Variants in PSG2 observed in about 807,000 individuals in gnomAD.
The protein encoded by PSG2 is pregnancy-specific beta-1-glycoprotein 2.
PSG2 carries 49 observed loss-of-function variants against 36.2 expected under a neutral mutation model. The observed-to-expected ratio is 1.35, with a 90% CI of 1.08 to 1.72. The LOEUF is 1.72. Ranked by LOEUF, PSG2 falls within the 40% of genes most tolerant of loss-of-function variation. The probability of loss-of-function intolerance (pLI) is 0.00; values close to 1 mark genes in which losing one functional copy is unlikely to be tolerated. For synonymous variants in PSG2, 261 were observed against 155.6 expected (o/e 1.68, Z -5.04); for missense variants, 605 against 407.2 (o/e 1.49, Z -4.18).
intron 5 of PSG2, among the ~76,000 whole-genome samples, chr19:43,064,990 C>T (rs755350257): frequency 2.7e-4 from 41 of 151,650 alleles, no homozygotes; most frequent in Non-Finnish European, 3.1e-4. Flanking sequence ...TGCCACCACA[C>T]CCGGCTAATT....
chr19:43,064,552 T>C lies in PSG2; in HGVS notation c.*90A>G, dbSNP rs1274199525. On this transcript the variant is annotated 3_prime_UTR_variant, in exon 6 of 6. Transcript: ENST00000406487. ...GTCCAGTGGTATGATCTTGAAGTTA[T>C]CAGGAGCTTGTATTCAAGAGTCCTT... The C allele has an allele frequency of 2.9e-6, 2 of 678,830 alleles. No homozygotes were observed. The highest frequency in any genetic ancestry group is 1.6e-5 in the South Asian group (1 of 64,188). 42.1% of individuals were successfully genotyped at this position (678,830 alleles called of 1,614,324 possible).
chr19:43,071,772 G>A lies in PSG2; in HGVS notation c.892C>T (p.Leu298Phe). 6 of 1,612,724 alleles carry A rather than the reference G, an allele frequency of 3.7e-6. No homozygotes were observed. The highest frequency in any genetic ancestry group is 1.1e-5 in the South Asian group (1 of 91,036). Residue 298 changes from leucine to phenylalanine, a missense_variant, in exon 4 of 6, where the codon CTC (leucine) becomes TTC (phenylalanine). Leu to Phe is a conservative substitution (Grantham distance 22). Coordinates refer to ENST00000406487, the MANE Select transcript of PSG2 (RefSeq NM_031246.4). ...IPQITTKHSGLYVCSVRNSAT... is the reference protein window; with the variant it reads ...IPQITTKHSGFYVCSVRNSAT... ...GAGTTACGAACAGAGCAAACATAGA[G>A]CCCGCTATGCTTTGTAGTAATTTGG...
chr19:43,072,277 A>G, intron 3 of PSG2: 1 of 1,586,142 alleles, frequency 6.3e-7, no homozygotes, highest in Non-Finnish European at 8.6e-7. Context: ...TGGACCGGAG[A>G]GAGACTGAGA....
At chr19:43,077,092 T>C (rs1307541120) in intron 2 of PSG2, among the ~76,000 whole-genome samples, 4 of 151,724 alleles carry the variant, frequency 2.6e-5, no homozygotes, top group Admixed American at 6.6e-5. Flanking sequence ...TTGGAGGAAA[T>C]ATTAAAATGT....
At chr19:43,072,400 C>G in intron 3 of PSG2, 1 of 1,612,516 alleles carries the variant, frequency 6.2e-7, no homozygotes, top group Non-Finnish European at 8.5e-7. Context: ...CATATCGGTC[C>G]CGTATTTCAC....
intron 3 of PSG2, among the ~76,000 whole-genome samples, chr19:43,074,584 C>T (rs2122906741): frequency 6.6e-6 from 1 of 151,702 alleles, no homozygotes; most frequent in South Asian, 2.1e-4. Context: ...GAAACATATT[C>T]CCTGTCCTGG....
In PSG2 at chr19:43,080,728, C is replaced by G. The variant is rs1025769221; in HGVS notation, c.430+153G>C. 3.3e-5 allele frequency among the ~76,000 whole-genome samples: 5 copies of G among 151,628 alleles called. 1 individual carries two copies. Among genetic ancestry groups the G allele is most frequent in the African/African-American group, 1.2e-4 (5 of 41,030 alleles). Reference sequence around the variant, plus strand: ...ATTCTGATCTGTTGAAATGTGTCTCCTCTGTGTGTGTCCTGCACTAAATGC... The same window carrying G: ...ATTCTGATCTGTTGAAATGTGTCTCGTCTGTGTGTGTCCTGCACTAAATGC... On this transcript the variant is annotated intron_variant, in intron 2 of 5. Coordinates refer to ENST00000406487, the MANE Select transcript of PSG2 (RefSeq NM_031246.4).
chr19:43,066,851 G>A lies in PSG2; in HGVS notation c.965-251C>T, dbSNP rs563946930. 3.4e-5 allele frequency among the ~76,000 whole-genome samples: 5 copies of A among 148,708 alleles called. No homozygotes were observed. The Admixed American group carries it at 3.4e-4, about 10-fold the overall frequency. On this transcript the variant is annotated intron_variant, in intron 4 of 5. Transcript: ENST00000406487. ...CAGATATTTTGGAAGGCTTTCAGAT[G>A]TGAGAAAGGCTGATTGCTATTTTCT...
intron 4 of PSG2, among the ~76,000 whole-genome samples, chr19:43,069,196 T>G (rs1448585731): frequency 6.7e-6 from 1 of 148,914 alleles, no homozygotes; most frequent in African/African-American, 2.5e-5. Flanking sequence ...AAAATATGGC[T>G]GAAAGAAATG....
rs3746096 is a variant in PSG2 at position 43,071,722 on chromosome 19, T to A, written c.942A>T (p.Thr314=). 6.8e-6 allele frequency: 11 copies of A among 1,612,640 alleles called. No homozygotes were observed. Among genetic ancestry groups the A allele is most frequent in the Non-Finnish European group, 9.3e-6 (11 of 1,179,416 alleles). The change falls in exon 4 of 6, where the codon ACA becomes ACT. Residue 314 remains threonine, a synonymous_variant. Coordinates refer to ENST00000406487, the MANE Select transcript of PSG2 (RefSeq NM_031246.4). Reference sequence around the variant, plus strand: ...TACCAGAGACTTTGACTGTCAACGATGTGGAGCTTTCCTCGCCAGTGGCTG... The same window carrying A: ...TACCAGAGACTTTGACTGTCAACGAAGTGGAGCTTTCCTCGCCAGTGGCTG... ...RNSATGEESS[T]SLTVKVSAST...
At chr19:43,077,683 A>G (rs1300557565) in intron 2 of PSG2, among the ~76,000 whole-genome samples, 1 of 151,784 alleles carries the variant, frequency 6.6e-6, no homozygotes, top group African/African-American at 2.4e-5. Flanking sequence ...AACCACCAGT[A>G]TTCCTATTAC....
chr19:43,077,976 G>C (rs1967921147), intron 2 of PSG2, among the ~76,000 whole-genome samples: 2 of 151,680 alleles, frequency 1.3e-5, no homozygotes, highest in South Asian at 4.1e-4. Flanking sequence ...GAGAATGTGA[G>C]CTCTATAGCA....
rs1007292659 is a variant in PSG2 at position 43,073,470 on chromosome 19, G to A, written c.710-1516C>T. On this transcript the variant is annotated intron_variant, in intron 3 of 5. Transcript: ENST00000406487. ...AAAAGCAGAACTGACTGGTGGAAAG[G>A]GTGGGAATGAACTGCTGGAAATCTG... Among the ~76,000 whole-genome samples the A allele has an allele frequency of 5.3e-5, 8 of 150,820 alleles. 1 individual carries two copies. The highest frequency in any genetic ancestry group is 1.7e-4 in the African/African-American group (7 of 40,156).
intron 5 of PSG2, 24 bp from the exon 6 acceptor site, chr19:43,064,625 C>A: frequency 1.6e-6 from 1 of 622,020 alleles, no homozygotes; most frequent in Non-Finnish European, 3.0e-6. Flanking sequence ...CAATTTTGGA[C>A]TGTAGGTGAT....
chr19:43,072,586 G>A (rs1967835366), intron 3 of PSG2: 2 of 1,611,436 alleles, frequency 1.2e-6, no homozygotes, highest in African/African-American at 1.3e-5. Context: ...TATTCTCCCT[G>A]GGGTTTAAGT....
In PSG2 at chr19:43,065,613, C is replaced by T. The variant is rs549234424; in HGVS notation, c.*40+904G>A. 4.2e-4 allele frequency: 63 copies of T among 151,734 alleles called. 1 individual carries two copies. The highest frequency in any genetic ancestry group is 6.8e-3 in the Middle Eastern group (2 of 294). 9.4% of individuals were successfully genotyped at this position (151,734 alleles called of 1,614,324 possible). On this transcript the variant is annotated intron_variant, in intron 5 of 5. Coordinates refer to ENST00000406487, the MANE Select transcript of PSG2 (RefSeq NM_031246.4). ...GATTTCTCTGATTTCTTGTGGCATT[C>T]AATTTTTTCTATTTTGGTATCATGA...
chr19:43,075,361 A>G lies in PSG2; in HGVS notation c.702T>C (p.Asn234=). ...GGAACAGAAGATACTCACGGAGGAG[A>G]TTCAGGGTGACTGGGTCACTGCGGC... The part of the protein sequence containing the change: ...SASRSDPVTL[N]LLHGPDLPRI... Residue 234 remains asparagine, a synonymous_variant, in exon 3 of 6, where the codon AAT becomes AAC. Coordinates refer to ENST00000406487, the MANE Select transcript of PSG2 (RefSeq NM_031246.4). 1 of 1,613,040 alleles carries G rather than the reference A, an allele frequency of 6.2e-7. No individual in the cohort carries two copies. The highest frequency in any genetic ancestry group is 8.5e-7 in the Non-Finnish European group (1 of 1,179,616).
chr19:43,080,442 C>G (rs1487298584), intron 2 of PSG2, among the ~76,000 whole-genome samples: 1 of 151,708 alleles, frequency 6.6e-6, no homozygotes, highest in Middle Eastern at 3.2e-3. Flanking sequence ...AGCCCTGGCA[C>G]AGGCTCCTAA....
rs1338009627 is a variant in PSG2 at position 43,075,739 on chromosome 19, C to T, written c.431-107G>A. ...TCCCACCTCTCAGCCCACCCAAGTC[C>T]TTAAAAGCCCATGGCAGGTGTGTGT... On this transcript the variant is annotated intron_variant, in intron 2 of 5. Transcript: ENST00000406487. 1.4e-5 allele frequency: 22 copies of T among 1,519,442 alleles called. 2 individuals are homozygous for T. Among genetic ancestry groups the T allele is most frequent in the Non-Finnish European group, 1.7e-5 (19 of 1,133,902 alleles). 94.1% of individuals were successfully genotyped at this position (1,519,442 alleles called of 1,614,324 possible).
Sources: allele counts gnomAD v4.1 joint callset (sites outside exome capture counted in the v4.1 genomes callset), GRCh38; gene constraint gnomAD v4.1.1; transcripts MANE v1.5; gene names NCBI Gene and HGNC (gene_info 2026-07-23, HGNC 2026-07-21).